Variants in EDA observed in about 807,000 individuals in gnomAD.
EDA encodes ectodysplasin-A.
EDA carries 2 observed loss-of-function variants against 23.6 expected under a neutral mutation model. That is an observed-to-expected ratio of 0.08 (90% CI 0.03 to 0.27). The LOEUF is 0.27. EDA is among the 10% of genes least tolerant of loss of function. The pLI is 1.00. For synonymous variants in EDA, 131 were observed against 132.0 expected (o/e 0.99, Z 0.05); for missense variants, 229 against 324.2 (o/e 0.71, Z 2.26).
At chrX:69,949,350 G>A (rs182040388) in intron 1 of EDA, among the ~76,000 whole-genome samples, 39 of 111,848 alleles carry the variant, frequency 3.5e-4, no homozygotes, top group Non-Finnish European at 4.7e-4. Flanking sequence ...GTAATGAACC[G>A]ATTGATAAAT....
chrX:69,641,808 A>G (rs1210572859), intron 1 of EDA, among the ~76,000 whole-genome samples: 4 of 111,737 alleles, frequency 3.6e-5, no homozygotes, highest in African/African-American at 1.3e-4. Context: ...GACTATGAGA[A>G]GACAAGAGCT....
chrX:69,903,125 A>T (rs1003016499), intron 1 of EDA, among the ~76,000 whole-genome samples: 1 of 111,744 alleles, frequency 8.9e-6, no homozygotes. Context: ...GTCTTACTTC[A>T]TTTTTATTTG....
chrX:69,792,405 T>C (rs1187566651), intron 1 of EDA, among the ~76,000 whole-genome samples: 1 of 112,203 alleles, frequency 8.9e-6, no homozygotes, highest in Non-Finnish European at 1.9e-5. Flanking sequence ...ATTTTTGCCA[T>C]TGTGAATTGT....
chrX:69,872,507 C>T (rs981544246), intron 1 of EDA, among the ~76,000 whole-genome samples: 1 of 111,494 alleles, frequency 9.0e-6, no homozygotes, highest in African/African-American at 3.3e-5. Flanking sequence ...TCAGGAGACT[C>T]GCCTAACACA....
At chrX:70,008,328 C>G (rs1256502382) in intron 2 of EDA, among the ~76,000 whole-genome samples, 1 of 112,097 alleles carries the variant, frequency 8.9e-6, no homozygotes, top group Non-Finnish European at 1.9e-5. Context: ...CCCTTTGATT[C>G]ATAATTGGCT....
At chrX:70,013,767 A>C (rs761990699) in intron 2 of EDA, among the ~76,000 whole-genome samples, 5 of 111,291 alleles carry the variant, frequency 4.5e-5, no homozygotes, top group African/African-American at 1.6e-4. Flanking sequence ...TGCCACTGCC[A>C]CTGCATTGAT....
intron 1 of EDA, among the ~76,000 whole-genome samples, chrX:69,703,874 A>C (rs2520372): frequency 0.32 from 35,714 of 110,973 alleles, 5,059 homozygotes; most frequent in Middle Eastern, 0.55. Flanking sequence ...ATTGTAATAT[A>C]TCGTTATAAT....
chrX:69,746,463 G>A (rs984510129), intron 1 of EDA, among the ~76,000 whole-genome samples: 2 of 111,418 alleles, frequency 1.8e-5, no homozygotes, highest in Non-Finnish European at 3.8e-5. Context: ...TTGGAGACCT[G>A]GGTATGATTT....
intron 1 of EDA, among the ~76,000 whole-genome samples, chrX:69,763,486 G>A (rs1462432372): frequency 8.9e-6 from 1 of 112,133 alleles, no homozygotes; most frequent in Non-Finnish European, 1.9e-5. Flanking sequence ...ATATGGCAAT[G>A]CAACTGAAGT....
chrX:69,673,684 A>G (rs1049171792), intron 1 of EDA, among the ~76,000 whole-genome samples: 2 of 111,780 alleles, frequency 1.8e-5, no homozygotes, highest in African/African-American at 3.2e-5. Flanking sequence ...TTCGGTAACT[A>G]TTTCCTCCAT....
intron 1 of EDA, among the ~76,000 whole-genome samples, chrX:69,784,583 T>A (rs1162309517): frequency 1.9e-5 from 2 of 105,257 alleles, no homozygotes; most frequent in Admixed American, 1.0e-4. Flanking sequence ...CTCAGGTTTG[T>A]CAAAGATCAG....
intron 1 of EDA, among the ~76,000 whole-genome samples, chrX:69,827,057 G>T (rs1485658368): frequency 3.6e-5 from 4 of 112,025 alleles, no homozygotes; most frequent in Admixed American, 2.8e-4. Context: ...TAGAGTTTCT[G>T]CCGAGAGATC....
chrX:69,772,388 T>A (rs918252724), intron 1 of EDA, among the ~76,000 whole-genome samples: 14 of 112,703 alleles, frequency 1.2e-4, no homozygotes, highest in African/African-American at 3.2e-5. Context: ...AAGACCCATT[T>A]ATAATGAATC....
At chrX:69,776,138 A>G (rs954305778) in intron 1 of EDA, among the ~76,000 whole-genome samples, 6 of 112,060 alleles carry the variant, frequency 5.4e-5, no homozygotes, top group Admixed American at 3.8e-4. Context: ...TATTAATGTC[A>G]CTTGTTATTC....
rs188991052 is a variant in EDA, at chrX:69,764,936, T to C, written c.396+148232T>C. Among the ~76,000 whole-genome samples the C allele has an allele frequency of 2.9e-3, 319 of 111,867 alleles. 1 individual carries two copies. The highest frequency in any genetic ancestry group is 5.1e-3 in the Non-Finnish European group (270 of 53,214). ...CAAATTAATTTGAAGTCACTTTAAC[T>C]TAAAATGATTTGAAAAGATCCCCAA... On this transcript the variant is annotated intron_variant, in intron 1 of 7. Coordinates refer to ENST00000374552, the MANE Select transcript of EDA (RefSeq NM_001399.5).
intron 2 of EDA, among the ~76,000 whole-genome samples, chrX:69,972,296 A>G (rs6625544): frequency 0.087 from 9,668 of 110,855 alleles, 846 homozygotes; most frequent in East Asian, 0.61. Context: ...ATTTATTGGC[A>G]TAATACAGAG....
chrX:69,963,175 A>G (rs1412973938), intron 2 of EDA, among the ~76,000 whole-genome samples: 2 of 112,346 alleles, frequency 1.8e-5, no homozygotes, highest in East Asian at 2.8e-4. Flanking sequence ...TTGTACTTCA[A>G]TTTTTAAAAA....
intron 1 of EDA, among the ~76,000 whole-genome samples, chrX:69,950,260 C>A: frequency 1.7e-5 from 1 of 60,170 alleles, no homozygotes; most frequent in African/African-American, 6.6e-5. Flanking sequence ...AACAAACAAC[C>A]CCATCAAAAA....
At chrX:69,718,085 A>G (rs1476233276) in intron 1 of EDA, among the ~76,000 whole-genome samples, 1 of 111,876 alleles carries the variant, frequency 8.9e-6, no homozygotes, top group Admixed American at 9.5e-5. Context: ...CAGTGGAACT[A>G]TGAGCCAATT....
Sources: allele counts gnomAD v4.1 joint callset (sites outside exome capture counted in the v4.1 genomes callset), GRCh38; gene constraint gnomAD v4.1.1; transcripts MANE v1.5; gene names NCBI Gene and HGNC (gene_info 2026-07-23, HGNC 2026-07-21).